RASA3: variants seen among roughly 807,000 people sequenced by gnomAD.
The protein encoded by RASA3 is ras GTPase-activating protein 3.
In RASA3, 73 loss-of-function variants were observed where a neutral mutation model predicts 110.0. That is an observed-to-expected ratio of 0.66 (90% CI 0.55 to 0.81). RASA3 has a LOEUF of 0.81. Ranked by LOEUF, RASA3 falls within the 30% of genes least tolerant of loss-of-function variation. The pLI is 0.00. For missense variants in RASA3, 976 were observed against 1,113.2 expected (o/e 0.88, Z 1.75); for synonymous variants, 500 against 451.4 (o/e 1.11, Z -1.37).
At chr13:114,107,132 G>A (rs1186990105) in intron 1 of RASA3, among the ~76,000 whole-genome samples, 2 of 152,148 alleles carry the variant, frequency 1.3e-5, no homozygotes, top group Admixed American at 6.5e-5. Flanking sequence ...TGCGGACAGC[G>A]TTCAGGCTCC....
intron 17 of RASA3, 114 bp from the exon 18 acceptor site, chr13:114,007,720 C>T: frequency 3.5e-6 from 3 of 865,502 alleles, no homozygotes; most frequent in South Asian, 2.9e-5. Context: ...CCAGTGGAGA[C>T]AGAATCTGGG....
intron 3 of RASA3, among the ~76,000 whole-genome samples, chr13:114,049,319 G>A (rs907986294): frequency 2.6e-5 from 4 of 151,982 alleles, no homozygotes; most frequent in South Asian, 2.1e-4. Flanking sequence ...AATCGTTACC[G>A]GAGATCCAGA....
intron 23 of RASA3, 98 bp from the exon 24 acceptor site, chr13:113,979,520 C>T (rs2052858387): frequency 1.1e-6 from 1 of 950,916 alleles, no homozygotes; most frequent in Non-Finnish European, 1.7e-6. Context: ...ATGTGACACA[C>T]TCACACTGCA....
intron 1 of RASA3, among the ~76,000 whole-genome samples, chr13:114,122,644 G>A (rs1218062159): frequency 1.3e-5 from 2 of 152,220 alleles, no homozygotes; most frequent in African/African-American, 4.8e-5. Flanking sequence ...CCTGCCCATT[G>A]GAGGGAAATG....
intron 2 of RASA3, among the ~76,000 whole-genome samples, chr13:114,064,942 C>G (rs190690519): frequency 1.3e-5 from 2 of 152,384 alleles, no homozygotes; most frequent in East Asian, 1.9e-4. Flanking sequence ...AATTAACGCA[C>G]GCAGCAGCCT....
chr13:114,016,111 G>C, intron 13 of RASA3, 86 bp downstream of exon 13: 1 of 1,244,578 alleles, frequency 8.0e-7, no homozygotes, highest in Admixed American at 1.8e-5. Context: ...CCGGGGTCAC[G>C]GGGTGAGTCA....
intron 1 of RASA3, chr13:114,077,833 C>G (rs1276809299): frequency 1.0e-6 from 1 of 984,414 alleles, no homozygotes; most frequent in Non-Finnish European, 1.2e-6. Context: ...TCATCTGGGG[C>G]TGAGACTCTT....
chr13:114,061,230 G>C (rs1035754175), intron 2 of RASA3, among the ~76,000 whole-genome samples: 1 of 152,016 alleles, frequency 6.6e-6, no homozygotes, highest in Non-Finnish European at 1.5e-5. Context: ...ACGCTGCCTC[G>C]ATGCGCGGGG....
chr13:113,997,189 G>C (rs909044908), intron 20 of RASA3, among the ~76,000 whole-genome samples: 68 of 152,202 alleles, frequency 4.5e-4, no homozygotes, highest in African/African-American at 1.4e-3. Context: ...TTCCCCAACT[G>C]ACCAGCCCAG....
At chr13:113,999,515 A>C in intron 20 of RASA3, 70 bp downstream of exon 20, 2 of 1,255,136 alleles carry the variant, frequency 1.6e-6, no homozygotes, top group Non-Finnish European at 2.3e-6. Flanking sequence ...AGGGCCAGGT[A>C]CGGGAAGAGA....
intron 1 of RASA3, among the ~76,000 whole-genome samples, chr13:114,104,795 C>CAG (rs2080110897): frequency 6.6e-6 from 1 of 152,110 alleles, no homozygotes; most frequent in Non-Finnish European, 1.5e-5. Flanking sequence ...AGTGTCTGTT[C>CAG]TGGAGGGGGG....
At chr13:114,027,950 C>T (rs372615357) in intron 5 of RASA3, 23 bp from the exon 6 acceptor site, 10 of 1,598,376 alleles carry the variant, frequency 6.3e-6, no homozygotes, top group African/African-American at 2.7e-5. Context: ...GCAGAGGCGG[C>T]GTCAGGAGGG....
rs531142701 is a variant in RASA3, at chr13:114,056,903, C to G, written c.174-4748G>C. 4.3e-4 allele frequency among the ~76,000 whole-genome samples: 66 copies of G among 152,190 alleles called. No homozygotes were observed. The highest frequency in any genetic ancestry group is 8.1e-4 in the Non-Finnish European group (55 of 68,034). ...AGCCTCCACCCAGGAATTTCTCCAG[C>G]AATGGCTTTAGAACCTTGCTCCTGA... is the stretch of plus-strand genomic sequence containing the variant. On this transcript the variant is annotated intron_variant, in intron 2 of 23. Transcript: ENST00000334062. The surrounding 1 kb of genome is among the most constrained non-coding windows in gnomAD (Gnocchi z 5.7).
At chr13:114,004,708 A>G (rs1209042529) in intron 18 of RASA3, among the ~76,000 whole-genome samples, 1 of 152,198 alleles carries the variant, frequency 6.6e-6, no homozygotes, top group African/African-American at 2.4e-5. Context: ...TTAGCGCTTA[A>G]GGAAACCCAC....
chr13:114,032,656 C>T (rs1223712844), intron 4 of RASA3, among the ~76,000 whole-genome samples: 2 of 151,220 alleles, frequency 1.3e-5, no homozygotes, highest in East Asian at 3.9e-4. Context: ...CCCCACGGCA[C>T]CCCCACACTT....
intron 1 of RASA3, chr13:114,077,927 G>T (rs1482557176): frequency 1.0e-6 from 1 of 984,726 alleles, no homozygotes; most frequent in South Asian, 4.7e-5. Flanking sequence ...CCTGCCTCAG[G>T]CTTCTGATGC....
chr13:114,112,226 A>G lies in RASA3; in HGVS notation c.55+20209T>C, dbSNP rs1425628401. Among the ~76,000 whole-genome samples the G allele has an allele frequency of 6.6e-6, 1 of 152,196 alleles. No individual in the cohort carries two copies. Among genetic ancestry groups the G allele is most frequent in the Non-Finnish European group, 1.5e-5 (1 of 68,032 alleles). On this transcript the variant is annotated intron_variant, in intron 1 of 23. Coordinates refer to ENST00000334062, the MANE Select transcript of RASA3 (RefSeq NM_007368.4). This position sits in a 1 kb window ranked among gnomAD's most constrained non-coding sequence, Gnocchi z 4.8. ...CTATTGTGAATGGGTGTTACCAAAA[A>G]ATGGCATTAGCAGGGCACCAGGGGC...
intron 1 of RASA3, among the ~76,000 whole-genome samples, chr13:114,095,355 T>G (rs954925284): frequency 6.6e-6 from 1 of 152,166 alleles, no homozygotes; most frequent in Non-Finnish European, 1.5e-5. Context: ...CAGAGAATTT[T>G]CATGACCCGA....
chr13:114,081,016 A>AAT (rs2079778892), intron 1 of RASA3, among the ~76,000 whole-genome samples: 1 of 151,120 alleles, frequency 6.6e-6, no homozygotes, highest in African/African-American at 2.4e-5. Flanking sequence ...CTAGAACACC[A>AAT]AGAGTGCCCC....
Sources: allele counts gnomAD v4.1 joint callset (sites outside exome capture counted in the v4.1 genomes callset), GRCh38; gene constraint gnomAD v4.1.1; non-coding constraint Gnocchi (gnomAD v3.1); transcripts MANE v1.5; gene names NCBI Gene and HGNC (gene_info 2026-07-23, HGNC 2026-07-21).